Variants in PLA2G4C observed in about 807,000 individuals in gnomAD.
PLA2G4C encodes phospholipase A2 group IVC, also known as cytosolic phospholipase A2 gamma.
In PLA2G4C, 64 loss-of-function variants were observed where a neutral mutation model predicts 73.8. That is an observed-to-expected ratio of 0.87 (90% CI 0.71 to 1.07). The LOEUF is 1.07. PLA2G4C is among the 50% of genes least tolerant of loss of function. PLA2G4C has a pLI of 0.00. For synonymous variants in PLA2G4C, 254 were observed against 252.1 expected, an observed-to-expected ratio of 1.01 and a Z score of -0.07; for missense variants, 622 against 665.4, an observed-to-expected ratio of 0.93 and a Z score of 0.72.
At chr19:48,104,754 GT>G (rs2032084185) in intron 3 of PLA2G4C, 30 bp from the exon 4 acceptor site, 1 of 1,611,028 alleles carries the variant, frequency 6.2e-7, no homozygotes, top group South Asian at 1.1e-5. Flanking sequence ...TCGATCAGAG[GT>G]TTAGAGCCTG....
intron 9 of PLA2G4C, 103 bp downstream of exon 9, chr19:48,088,582 AC>A: frequency 1.2e-6 from 1 of 800,420 alleles, no homozygotes; most frequent in South Asian, 1.5e-5. Flanking sequence ...TCAAATGGGC[AC>A]CAAATGAATC....
chr19:48,106,566 C>A lies in PLA2G4C; in HGVS notation c.-32-5G>T, dbSNP rs1422177699. The A allele has an allele frequency of 6.2e-7, 1 of 1,612,276 alleles. No homozygotes were observed. Among genetic ancestry groups the A allele is most frequent in the Admixed American group, 1.7e-5 (1 of 60,018 alleles). On this transcript the variant is annotated splice_polypyrimidine_tract_variant and splice_region_variant and intron_variant, in intron 1 of 16. Transcript: ENST00000599921. ...GTCAGAAAATTCTCAGTCCTCCTGC[C>A]AAAGAAATGGCTCTTCTTAGTCCTG...
At chr19:48,071,040 A>G (rs1480985576) in intron 12 of PLA2G4C, among the ~76,000 whole-genome samples, 3 of 152,254 alleles carry the variant, frequency 2.0e-5, no homozygotes, top group Admixed American at 6.5e-5. Context: ...ATAGATAGCT[A>G]TAAATACATA....
intron 6 of PLA2G4C, 69 bp downstream of exon 6, chr19:48,098,070 C>T: frequency 1.9e-6 from 3 of 1,538,664 alleles, no homozygotes; most frequent in Admixed American, 1.8e-5. Flanking sequence ...GGCAGGGAAA[C>T]ATTCTTCCAT....
At position 48,054,970 on chromosome 19, in the gene PLA2G4C, C is replaced by A; in HGVS notation, c.1337G>T (p.Trp446Leu). The change falls in exon 15 of 17, where the codon TGG (tryptophan) becomes TTG (leucine). Residue 446 changes from tryptophan to leucine, a missense_variant. Coordinates refer to ENST00000599921, the MANE Select transcript of PLA2G4C (RefSeq NM_003706.3). ...GTAGCAGCTGGCGGGGGCCTTGGAC[C>A]ACAAATCCAGCTCAGCCTCTTCTAC... Reference protein sequence around the residue: ...PQVEEAELDLWSKAPASCYIL... With the variant: ...PQVEEAELDLLSKAPASCYIL... 1 of 1,613,780 alleles carries A rather than the reference C, an allele frequency of 6.2e-7. No individual in the cohort carries two copies. Among genetic ancestry groups the A allele is most frequent in the Non-Finnish European group, 8.5e-7 (1 of 1,179,984 alleles).
At chr19:48,077,407 A>G (rs1457978048) in intron 11 of PLA2G4C, among the ~76,000 whole-genome samples, 1 of 152,094 alleles carries the variant, frequency 6.6e-6, no homozygotes, top group African/African-American at 2.4e-5. Context: ...AGACTGCTAC[A>G]AGGAAAACTA....
At chr19:48,091,904 AAAAAAT>A (rs2031323856) in intron 7 of PLA2G4C, among the ~76,000 whole-genome samples, 4 of 142,488 alleles carry the variant, frequency 2.8e-5, no homozygotes, top group Middle Eastern at 3.6e-3. Flanking sequence ...AAAAAAAAAA[AAAAAAT>A]AGACACACCC....
At chr19:48,061,832 C>A in intron 14 of PLA2G4C, 166 bp downstream of exon 14, 1 of 687,444 alleles carries the variant, frequency 1.5e-6, no homozygotes, top group Non-Finnish European at 2.5e-6. Flanking sequence ...TGGCCGACCG[C>A]GGGTGCTTCG....
intron 14 of PLA2G4C, 115 bp from the exon 15 acceptor site, chr19:48,055,164 G>C (rs1967889752): frequency 4.3e-6 from 4 of 926,576 alleles, no homozygotes; most frequent in East Asian, 2.4e-5. Flanking sequence ...ACACACAACA[G>C]AGCAAGGGTC....
intron 13 of PLA2G4C, among the ~76,000 whole-genome samples, chr19:48,066,329 G>A (rs546138991): frequency 2.6e-5 from 4 of 152,200 alleles, no homozygotes; most frequent in East Asian, 1.9e-4. Flanking sequence ...CTGAGAAAGC[G>A]ACTTCATCCA....
intron 1 of PLA2G4C, among the ~76,000 whole-genome samples, chr19:48,107,683 C>A (rs1193835005): frequency 1.3e-5 from 2 of 152,104 alleles, no homozygotes; most frequent in Non-Finnish European, 2.9e-5. Context: ...TGATGTCAGG[C>A]CCGCCCGCAG....
intron 2 of PLA2G4C, 26 bp downstream of exon 2, chr19:48,106,496 T>C (rs1172146651): frequency 6.4e-7 from 1 of 1,567,650 alleles, no homozygotes; most frequent in African/African-American, 1.3e-5. Flanking sequence ...TGCTTCCCCA[T>C]AGTGGTCAGC....
rs754308262 is a variant in PLA2G4C, at chr19:48,074,767, C to T, written c.1006G>A (p.Gly336Ser). 4 of 1,604,286 alleles carry T rather than the reference C, an allele frequency of 2.5e-6. No individual in the cohort carries two copies. The highest frequency in any genetic ancestry group is 1.3e-5 in the African/African-American group (1 of 74,702). Residue 336 changes from glycine (G) to serine (S), a missense_variant and splice_region_variant, in exon 12 of 17, where the codon GGC becomes AGC. Gly to Ser is a moderately conservative substitution (Grantham distance 56, BLOSUM62 0). Coordinates refer to ENST00000599921, the MANE Select transcript of PLA2G4C (RefSeq NM_003706.3). ...EQPHEDPERK[G>S]SLSNLMDFVK... is the part of the protein sequence containing the mutation. The stretch of plus-strand genomic sequence containing the variant: ...ACACTTATCACACTACACATGGTAC[C>T]TTTCCTTTCGGGGTCCTCATGGGGC...
At chr19:48,081,749 A>C (rs1009093005) in intron 10 of PLA2G4C, among the ~76,000 whole-genome samples, 10 of 147,090 alleles carry the variant, frequency 6.8e-5, no homozygotes, top group African/African-American at 2.5e-4. Context: ...ACAAGAGTGA[A>C]ATTCCGTCTC....
intron 8 of PLA2G4C, 155 bp downstream of exon 8, chr19:48,090,209 T>G (rs1481591513): frequency 4.6e-6 from 3 of 648,728 alleles, no homozygotes; most frequent in Non-Finnish European, 8.3e-6. Context: ...GTGGTCATCC[T>G]GGCTGCCCAA....
rs958806268 is a variant in PLA2G4C, at chr19:48,097,999, C to G, written c.568+140G>C. ...GGACTTCCCTCTTCTCTCGTCTAAGCTGAGCACCCTGTTTTCTGCAATCCT... is the reference window on the plus strand; with the variant it reads ...GGACTTCCCTCTTCTCTCGTCTAAGGTGAGCACCCTGTTTTCTGCAATCCT... On this transcript the variant is annotated intron_variant, in intron 6 of 16. Coordinates refer to ENST00000599921, the MANE Select transcript of PLA2G4C (RefSeq NM_003706.3). 3 of 884,792 alleles carry G rather than the reference C, an allele frequency of 3.4e-6. No homozygotes were observed. The African/African-American group carries it at 5.1e-5, about 15-fold the overall frequency. 54.8% of individuals were successfully genotyped at this position (884,792 alleles called of 1,614,324 possible). A position where few individuals can be genotyped will look rare whatever the true frequency, so the allele number is the denominator to read the frequency against.
At chr19:48,103,201 C>T (rs2032003084) in intron 4 of PLA2G4C, among the ~76,000 whole-genome samples, 2 of 152,078 alleles carry the variant, frequency 1.3e-5, no homozygotes, top group Admixed American at 6.6e-5. Context: ...ACAGCAGTCT[C>T]GGAAAGATTC....
At chr19:48,053,866 C>A (rs987581025) in intron 15 of PLA2G4C, among the ~76,000 whole-genome samples, 2 of 152,136 alleles carry the variant, frequency 1.3e-5, no homozygotes, top group Non-Finnish European at 2.9e-5. Flanking sequence ...CACAATCAGG[C>A]CCCGGAGGAC....
At chr19:48,083,468 A>T (rs1265172239) in intron 10 of PLA2G4C, among the ~76,000 whole-genome samples, 7 of 68,508 alleles carry the variant, frequency 1.0e-4, no homozygotes, top group Admixed American at 1.9e-4. Context: ...TTTTTTTGAG[A>T]CTGTGTTTCA....
Sources: gnomAD v4.1 joint callset for allele counts (sites outside exome capture counted in the v4.1 genomes callset) on GRCh38, gnomAD v4.1.1 for gene constraint, MANE v1.5 for transcripts, NCBI Gene and HGNC (gene_info 2026-07-23, HGNC 2026-07-21) for gene names.